The following MAPK10 variants were observed in gnomAD, a reference collection of about 807,000 sequenced individuals.
The protein encoded by MAPK10 is mitogen-activated protein kinase 10, also known as JNK3 alpha protein kinase.
In MAPK10, 25 loss-of-function variants were observed where a neutral mutation model predicts 59.3. That is an observed-to-expected ratio of 0.42 (90% CI 0.31 to 0.59). The LOEUF is 0.59. Among genes scored for constraint, MAPK10 ranks in the 20% least tolerant of loss-of-function variants. The probability of loss-of-function intolerance (pLI) is 0.15; values close to 1 mark genes in which losing one functional copy is unlikely to be tolerated. For synonymous variants in MAPK10, 190 were observed against 200.5 expected, an observed-to-expected ratio of 0.95 and a Z score of 0.44; for missense variants, 351 against 568.9, an observed-to-expected ratio of 0.62 and a Z score of 3.90.
At chr4:86,380,100 T>C (rs1740457492) in intron 1 of MAPK10, among the ~76,000 whole-genome samples, 1 of 152,094 alleles carries the variant, frequency 6.6e-6, no homozygotes, top group Non-Finnish European at 1.5e-5. Flanking sequence ...GTGGTGCCTA[T>C]AATCCCAGCT....
chr4:86,160,775 A>G (rs2069345580), intron 3 of MAPK10, among the ~76,000 whole-genome samples: 2 of 152,042 alleles, frequency 1.3e-5, no homozygotes, highest in African/African-American at 4.8e-5. Context: ...TTTAACATAC[A>G]CTAACTTTTC....
At chr4:86,219,871 A>G (rs934438549) in intron 2 of MAPK10, 1 of 152,194 alleles carries the variant, frequency 6.6e-6, no homozygotes, top group Non-Finnish European at 1.5e-5. Context: ...GAGAACAACC[A>G]TCTATTGAAA....
intron 1 of MAPK10, among the ~76,000 whole-genome samples, chr4:86,537,496 C>G (rs1758338552): frequency 6.6e-6 from 1 of 152,132 alleles, no homozygotes; most frequent in Admixed American, 6.5e-5. Flanking sequence ...ACCAGGGTTC[C>G]TTGGAGAAAT....
chr4:86,334,681 C>G (rs1025640163), intron 2 of MAPK10, among the ~76,000 whole-genome samples: 19 of 151,982 alleles, frequency 1.3e-4, no homozygotes, highest in South Asian at 4.1e-4. Flanking sequence ...CTATTCCTAT[C>G]CAAACACGTT....
intron 1 of MAPK10, chr4:86,358,322 G>C (rs1052951146): frequency 1.0e-6 from 1 of 985,308 alleles, no homozygotes; most frequent in African/African-American, 1.7e-5. Flanking sequence ...ACTAGCCGAT[G>C]AGGGATAGAA....
At chr4:86,467,948 A>C (rs1455164505) in intron 1 of MAPK10, among the ~76,000 whole-genome samples, 1 of 152,226 alleles carries the variant, frequency 6.6e-6, no homozygotes, top group Admixed American at 6.5e-5. Context: ...CCTTGCAACG[A>C]GGCCAGATAC....
intron 11 of MAPK10, among the ~76,000 whole-genome samples, chr4:86,055,710 CT>C (rs937116597): frequency 2.7e-5 from 4 of 149,394 alleles, no homozygotes; most frequent in Non-Finnish European, 5.9e-5. Flanking sequence ...TTTAAAAGAG[CT>C]TTCTTATTAT....
chr4:86,231,658 T>C (rs531581490), intron 2 of MAPK10, among the ~76,000 whole-genome samples: 6 of 151,716 alleles, frequency 4.0e-5, no homozygotes, highest in Non-Finnish European at 8.8e-5. Context: ...CGAGACTCTG[T>C]CTCAAAAAAA....
intron 2 of MAPK10, among the ~76,000 whole-genome samples, chr4:86,229,358 T>C (rs2091186025): frequency 6.6e-6 from 1 of 152,204 alleles, no homozygotes; most frequent in South Asian, 2.1e-4. Context: ...GAAAAGATTA[T>C]ATGGCAGCAA....
At chr4:86,538,905 G>T (rs1372260247) in intron 1 of MAPK10, among the ~76,000 whole-genome samples, 1 of 152,042 alleles carries the variant, frequency 6.6e-6, no homozygotes, top group Non-Finnish European at 1.5e-5. Flanking sequence ...ACAGAAAAAT[G>T]CCTGGCCTCC....
intron 9 of MAPK10, among the ~76,000 whole-genome samples, chr4:86,090,082 G>C (rs1027319929): frequency 6.6e-6 from 1 of 152,094 alleles, no homozygotes; most frequent in African/African-American, 2.4e-5. Context: ...CAGGAAGCCA[G>C]GGCAGAGCGC....
intron 3 of MAPK10, among the ~76,000 whole-genome samples, chr4:86,178,998 T>G (rs974804489): frequency 1.3e-5 from 2 of 151,922 alleles, no homozygotes. Flanking sequence ...GTCAGGAGAT[T>G]GAGACCATCC....
At chr4:86,410,262 T>C (rs556301994) in intron 1 of MAPK10, among the ~76,000 whole-genome samples, 4 of 152,316 alleles carry the variant, frequency 2.6e-5, no homozygotes, top group African/African-American at 9.6e-5. Flanking sequence ...GACTTGATCG[T>C]TGTGGATAAG....
intron 1 of MAPK10, among the ~76,000 whole-genome samples, chr4:86,373,827 C>T (rs2148995454): frequency 6.6e-6 from 1 of 152,232 alleles, no homozygotes; most frequent in Admixed American, 6.5e-5. Context: ...TTACTGCAAC[C>T]ATTGTGGAAG....
intron 3 of MAPK10, among the ~76,000 whole-genome samples, chr4:86,181,721 C>T (rs1226632791): frequency 2.6e-5 from 4 of 152,076 alleles, no homozygotes; most frequent in Admixed American, 1.3e-4. Flanking sequence ...GAGGAAGATG[C>T]CCTGGTCCTG....
At chr4:86,159,652 G>C (rs1226826976) in intron 3 of MAPK10, among the ~76,000 whole-genome samples, 185 bp from the exon 4 acceptor site, 1 of 151,740 alleles carries the variant, frequency 6.6e-6, no homozygotes, top group Non-Finnish European at 1.5e-5. Flanking sequence ...AAAGAGCTTA[G>C]GGAAAAAATG....
chr4:86,463,524 T>C (rs895548644), intron 1 of MAPK10, among the ~76,000 whole-genome samples: 6 of 152,216 alleles, frequency 3.9e-5, no homozygotes, highest in Admixed American at 1.3e-4. Context: ...AATGTTATGA[T>C]CACTTGCAAA....
chr4:86,071,419 G>T (rs1215111399), intron 9 of MAPK10, among the ~76,000 whole-genome samples: 1 of 127,608 alleles, frequency 7.8e-6, no homozygotes, highest in Non-Finnish European at 1.7e-5. Context: ...TGTCAATTTT[G>T]TCTTTTGTTG....
chr4:86,384,757 T>C (rs1741238429), intron 1 of MAPK10, among the ~76,000 whole-genome samples: 1 of 152,210 alleles, frequency 6.6e-6, no homozygotes, highest in Non-Finnish European at 1.5e-5. Flanking sequence ...AAGTGTTTTA[T>C]TTATGATATT....
Sources: gnomAD v4.1 joint callset for allele counts (sites outside exome capture counted in the v4.1 genomes callset) on GRCh38, gnomAD v4.1.1 for gene constraint, MANE v1.5 for transcripts, NCBI Gene and HGNC (gene_info 2026-07-23, HGNC 2026-07-21) for gene names.